The following LANCL3 variants were observed in gnomAD, a reference collection of about 807,000 sequenced individuals.
LANCL3 encodes lanC-like protein 3.
A neutral mutation model predicts 26.5 loss-of-function variants in LANCL3; 19 were observed. The observed-to-expected ratio is 0.72, with a 90% CI of 0.50 to 1.05. The LOEUF (loss-of-function observed/expected upper bound fraction) is 1.05, where lower values mean the gene tolerates loss of function less well. LANCL3 is among the 50% of genes least tolerant of loss of function. The pLI, the probability that LANCL3 is intolerant of heterozygous loss-of-function variation, is 0.00. For missense variants in LANCL3, 318 were observed against 362.7 expected (o/e 0.88, Z 1.00); for synonymous variants, 160 against 166.6 (o/e 0.96, Z 0.30).
chrX:37,592,307 C>G (rs1458794518), intron 1 of LANCL3, among the ~76,000 whole-genome samples: 1 of 112,542 alleles, frequency 8.9e-6, no homozygotes, highest in African/African-American at 3.2e-5. Context: ...TGCTAAAGCC[C>G]GCCAACTGGC....
intron 4 of LANCL3, among the ~76,000 whole-genome samples, chrX:37,673,864 C>A (rs986649387): frequency 5.4e-5 from 6 of 111,339 alleles, no homozygotes; most frequent in African/African-American, 2.0e-4. Context: ...TTGTGGGTTT[C>A]TTTTATACTA....
At chrX:37,675,014 A>G (rs996793382) in intron 4 of LANCL3, among the ~76,000 whole-genome samples, 11 of 112,355 alleles carry the variant, frequency 9.8e-5, no homozygotes, top group African/African-American at 3.5e-4. Context: ...GGGTAAAAGA[A>G]AAAAGGTCTT....
intron 1 of LANCL3, among the ~76,000 whole-genome samples, chrX:37,574,075 A>C (rs1423717191): frequency 2.0e-5 from 2 of 101,477 alleles, no homozygotes; most frequent in Non-Finnish European, 3.9e-5. Flanking sequence ...AAAAAAAAAA[A>C]CCCACCACCA....
At position 37,676,079 on chromosome X, in the gene LANCL3, G is replaced by A; in HGVS notation, c.*266G>A. ...AGGGATCATAGGAAAAGGGGAAAGA[G>A]AAATGATCTGTTTTTCAGTTATGAC... On this transcript the variant is annotated 3_prime_UTR_variant, in exon 5 of 5. Transcript: ENST00000378619. 1 of 214,490 alleles carries A rather than the reference G, an allele frequency of 4.7e-6. No homozygotes were observed. The highest frequency in any genetic ancestry group is 8.5e-6 in the Non-Finnish European group (1 of 118,337). The allele number at this position is 214,490 out of a possible 1,213,427, so 17.7% of individuals were successfully genotyped here. A position where few individuals can be genotyped will look rare whatever the true frequency, so the allele number is the denominator to read the frequency against.
At chrX:37,593,105 A>T (rs1187409545) in intron 1 of LANCL3, among the ~76,000 whole-genome samples, 2 of 111,782 alleles carry the variant, frequency 1.8e-5, no homozygotes, top group Admixed American at 1.9e-4. Context: ...AAGGTCTCCA[A>T]AAAGATACCC....
chrX:37,614,889 A>G (rs1924965947), intron 1 of LANCL3, among the ~76,000 whole-genome samples: 1 of 112,266 alleles, frequency 8.9e-6, no homozygotes, highest in Non-Finnish European at 1.9e-5. Context: ...ACTTTCTGTT[A>G]TTTACTACTC....
intron 1 of LANCL3, among the ~76,000 whole-genome samples, chrX:37,596,991 C>A (rs1014193095): frequency 5.4e-5 from 6 of 111,903 alleles, no homozygotes; most frequent in African/African-American, 1.9e-4. Context: ...CCTCTCAACC[C>A]CATCCCACAC....
chrX:37,658,189 C>A (rs782212992), intron 2 of LANCL3, among the ~76,000 whole-genome samples: 1 of 112,423 alleles, frequency 8.9e-6, no homozygotes, highest in Non-Finnish European at 1.9e-5. Context: ...CCCTCCACCT[C>A]TGAGGCCAAG....
At chrX:37,656,366 A>G (rs782732184) in intron 2 of LANCL3, among the ~76,000 whole-genome samples, 1 of 111,224 alleles carries the variant, frequency 9.0e-6, no homozygotes, top group East Asian at 2.8e-4. Flanking sequence ...TCTAGACTCA[A>G]ACTTTATCTT....
chrX:37,660,827 G>C, intron 3 of LANCL3, among the ~76,000 whole-genome samples: 1 of 111,184 alleles, frequency 9.0e-6, no homozygotes, highest in Non-Finnish European at 1.9e-5. Context: ...GTCTTGAGTT[G>C]ATGAATAATG....
rs1452676419 is a variant in LANCL3, at chrX:37,681,668, T to TA, written c.*5862dup. On this transcript the variant is annotated 3_prime_UTR_variant, in exon 5 of 5. Coordinates refer to ENST00000378619, the MANE Select transcript of LANCL3 (RefSeq NM_001170331.2). ...TAAAGATTGAGTAAACTCTCCTGGG[T>TA]AAAAAAACCTGTTTGACGTTGTTTA... 3 of 112,117 alleles carry TA rather than the reference T, an allele frequency of 2.7e-5. No individual in the cohort carries two copies. Among genetic ancestry groups the TA allele is most frequent in the East Asian group, 5.6e-4 (2 of 3,602 alleles). The allele number at this position is 112,117 out of a possible 1,213,427, so 9.2% of individuals were successfully genotyped here.
At chrX:37,671,940 G>T (rs1556436257) in intron 4 of LANCL3, among the ~76,000 whole-genome samples, 1 of 111,160 alleles carries the variant, frequency 9.0e-6, no homozygotes, top group Non-Finnish European at 1.9e-5. Flanking sequence ...CAGACCTGTT[G>T]TTTCCCAAAT....
At chrX:37,670,944 G>A (rs1175714140) in intron 4 of LANCL3, among the ~76,000 whole-genome samples, 7 of 111,248 alleles carry the variant, frequency 6.3e-5, no homozygotes, top group Admixed American at 2.9e-4. Context: ...TTTATTGTGA[G>A]TGGACTCTTT....
rs1254852565 is a variant in LANCL3 at position 37,680,713 on chromosome X, G to A, written c.*4900G>A. On this transcript the variant is annotated 3_prime_UTR_variant, in exon 5 of 5. Coordinates refer to ENST00000378619, the MANE Select transcript of LANCL3 (RefSeq NM_001170331.2). ...AATACTGAGGAAGAAGAGGGAGAAG[G>A]GGGTAAAGATACATAAGGCTTAACT... is the stretch of plus-strand genomic sequence containing the variant. 9.0e-6 allele frequency: 1 copy of A among 111,421 alleles called. No homozygotes were observed. The highest frequency in any genetic ancestry group is 1.9e-5 in the Non-Finnish European group (1 of 53,104). 9.2% of individuals were successfully genotyped at this position (111,421 alleles called of 1,213,427 possible). A position where few individuals can be genotyped will look rare whatever the true frequency, so the allele number is the denominator to read the frequency against.
chrX:37,649,467 A>T (rs1219818486), intron 1 of LANCL3, among the ~76,000 whole-genome samples: 1 of 110,742 alleles, frequency 9.0e-6, no homozygotes, highest in East Asian at 2.8e-4. Context: ...GATGGGGGGC[A>T]TGGGGAGGGA....
chrX:37,572,489 G>C, intron 1 of LANCL3, 46 bp downstream of exon 1: 1 of 1,083,589 alleles, frequency 9.2e-7, no homozygotes, highest in Non-Finnish European at 1.2e-6. Context: ...CGCCTGCCCG[G>C]CCTCCTTTCC....
chrX:37,595,754 A>G (rs1379033679), intron 1 of LANCL3, among the ~76,000 whole-genome samples: 2 of 112,157 alleles, frequency 1.8e-5, no homozygotes, highest in African/African-American at 6.5e-5. Context: ...ATAAAATTTC[A>G]TATATATTTC....
chrX:37,647,588 C>A (rs1281955465), intron 1 of LANCL3, among the ~76,000 whole-genome samples: 1 of 112,084 alleles, frequency 8.9e-6, no homozygotes, highest in Non-Finnish European at 1.9e-5. Flanking sequence ...CAGATTCTTA[C>A]TCTGTTACAT....
At chrX:37,619,227 TCA>T (rs1350361751) in intron 1 of LANCL3, among the ~76,000 whole-genome samples, 2 of 112,030 alleles carry the variant, frequency 1.8e-5, no homozygotes, top group Non-Finnish European at 3.8e-5. Flanking sequence ...ATAAAAATTA[TCA>T]CAATTATTAC....
Sources: gnomAD v4.1 joint callset for allele counts (sites outside exome capture counted in the v4.1 genomes callset) on GRCh38, gnomAD v4.1.1 for gene constraint, MANE v1.5 for transcripts, NCBI Gene and HGNC (gene_info 2026-07-23, HGNC 2026-07-21) for gene names.